TBX15: variants seen among roughly 807,000 people sequenced by gnomAD.
TBX15 encodes T-box transcription factor TBX15.
A neutral mutation model predicts 53.9 loss-of-function variants in TBX15; 18 were observed. That is an observed-to-expected ratio of 0.33 (90% CI 0.23 to 0.49). The LOEUF is 0.49. Among genes scored for constraint, TBX15 ranks in the 20% least tolerant of loss-of-function variants. TBX15 has a pLI of 0.98. For missense variants in TBX15, 692 were observed against 749.5 expected, an observed-to-expected ratio of 0.92 and a Z score of 0.90; for synonymous variants, 295 against 278.0, an observed-to-expected ratio of 1.06 and a Z score of -0.61.
chr1:118,959,291 G>A (rs1304085259), intron 1 of TBX15, among the ~76,000 whole-genome samples: 8 of 152,156 alleles, frequency 5.3e-5, no homozygotes, highest in African/African-American at 1.2e-4. Flanking sequence ...GCCTTCAGGC[G>A]AATAAGAATA....
chr1:118,924,749 T>C lies in TBX15; in HGVS notation c.590A>G (p.Tyr197Cys). ...AGAAGCTAGAGAATCAGGGTGTATA[T>C]AAACTCTTGGGGGCACAGGGGAATC... ...NADSPVPPRV[Y>C]IHPDSLASGD... The change falls in exon 4 of 8, where the codon TAT becomes TGT. Residue 197 changes from tyrosine to cysteine, a missense_variant. Transcript: ENST00000369429. 1 of 1,614,012 alleles carries C rather than the reference T, an allele frequency of 6.2e-7. No homozygotes were observed. The highest frequency in any genetic ancestry group is 8.5e-7 in the Non-Finnish European group (1 of 1,179,988).
chr1:118,986,272 G>A (rs1262374278), intron 1 of TBX15, among the ~76,000 whole-genome samples: 1 of 152,204 alleles, frequency 6.6e-6, no homozygotes, highest in Non-Finnish European at 1.5e-5. Flanking sequence ...GAATGCCCAC[G>A]CAGGGGTCCG....
chr1:118,959,703 A>G (rs1656802678), intron 1 of TBX15, among the ~76,000 whole-genome samples: 1 of 152,212 alleles, frequency 6.6e-6, no homozygotes, highest in African/African-American at 2.4e-5. Flanking sequence ...GAATGAACTC[A>G]GTTCAGTGAG....
chr1:118,888,198 A>G (rs1336808283), intron 7 of TBX15, among the ~76,000 whole-genome samples: 2 of 152,166 alleles, frequency 1.3e-5, no homozygotes, highest in Non-Finnish European at 2.9e-5. Flanking sequence ...TTCTAGGCCT[A>G]TTAACCTCTG....
intron 1 of TBX15, among the ~76,000 whole-genome samples, chr1:118,971,916 G>A (rs953120529): frequency 8.5e-5 from 13 of 152,186 alleles, no homozygotes; most frequent in African/African-American, 2.2e-4. Flanking sequence ...GTGTAAAGCC[G>A]GCAGTTATTC....
intron 6 of TBX15, among the ~76,000 whole-genome samples, chr1:118,908,522 A>T (rs1367811224): frequency 6.6e-6 from 1 of 152,188 alleles, no homozygotes; most frequent in Non-Finnish European, 1.5e-5. Flanking sequence ...ATAATAGGTG[A>T]ACACTGCCCC....
rs568761112 is a variant in TBX15 at position 118,974,817 on chromosome 1, G to T, written c.205+12774C>A. Among the ~76,000 whole-genome samples the T allele has an allele frequency of 2.2e-3, 335 of 152,256 alleles. 1 individual carries two copies. The highest frequency in any genetic ancestry group is 7.8e-3 in the African/African-American group (325 of 41,554). ...CCTAACAGCGGGTGTACTTGCCGTG[G>T]GTCCTCAAGGCAGTTTCCTAATCCT... On this transcript the variant is annotated intron_variant, in intron 1 of 7. Transcript: ENST00000369429.
chr1:118,910,622 G>A (rs961905956), intron 6 of TBX15, among the ~76,000 whole-genome samples: 1 of 152,168 alleles, frequency 6.6e-6, no homozygotes, highest in African/African-American at 2.4e-5. Flanking sequence ...GGTAGCCAGT[G>A]AGAATTAAAG....
In TBX15 at chr1:118,963,958, A is replaced by T. The variant is rs570924887; in HGVS notation, c.205+23633T>A. ...AACATAGAGAAGCCATATGGAGAAGAACGGTGGAGACCATCTGACAGCCAA... is the reference window on the plus strand; with the variant it reads ...AACATAGAGAAGCCATATGGAGAAGTACGGTGGAGACCATCTGACAGCCAA... On this transcript the variant is annotated intron_variant, in intron 1 of 7. Transcript: ENST00000369429. Among the ~76,000 whole-genome samples, 34 of 152,306 alleles carry T rather than the reference A, an allele frequency of 2.2e-4. No homozygotes were observed. The East Asian group carries it at 6.4e-3, about 29-fold the overall frequency.
chr1:118,971,338 T>A (rs1417067230), intron 1 of TBX15, among the ~76,000 whole-genome samples: 1 of 152,240 alleles, frequency 6.6e-6, no homozygotes, highest in Non-Finnish European at 1.5e-5. Flanking sequence ...AGGTCACACC[T>A]ACAGGTGACT....
At chr1:118,893,514 G>GAA (rs1398590617) in intron 7 of TBX15, among the ~76,000 whole-genome samples, 1 of 132,514 alleles carries the variant, frequency 7.5e-6, no homozygotes, top group East Asian at 2.3e-4. Context: ...AAGAAAGAAA[G>GAA]AAAGAAAGAA....
chr1:118,984,827 A>G (rs764124365), intron 1 of TBX15, among the ~76,000 whole-genome samples: 13 of 152,182 alleles, frequency 8.5e-5, no homozygotes, highest in Non-Finnish European at 1.6e-4. Context: ...GTGAGTGCCT[A>G]CAACGCGCAG....
intron 1 of TBX15, among the ~76,000 whole-genome samples, chr1:118,936,937 G>T (rs974300667): frequency 6.6e-6 from 1 of 152,112 alleles, no homozygotes; most frequent in Non-Finnish European, 1.5e-5. Flanking sequence ...AATAAAACAG[G>T]TTCTTGTTCT....
intron 7 of TBX15, among the ~76,000 whole-genome samples, chr1:118,893,481 GGAAGGAAA>G (rs1346046971): frequency 8.0e-4 from 67 of 83,940 alleles, no homozygotes; most frequent in Non-Finnish European, 1.0e-3. Context: ...AAGGAAGGAA[GGAAGGAAA>G]GAAAGAAAGA....
At chr1:118,935,105 A>C (rs1340246050) in intron 1 of TBX15, among the ~76,000 whole-genome samples, 1 of 152,204 alleles carries the variant, frequency 6.6e-6, no homozygotes, top group African/African-American at 2.4e-5. Flanking sequence ...CAACCCTACA[A>C]AACCCTTAAA....
Position 118,885,301 on chromosome 1 carries a change from G to A in TBX15, c.1240C>T (p.Pro414Ser). 1 of 1,614,114 alleles carries A rather than the reference G, an allele frequency of 6.2e-7. No homozygotes were observed. The highest frequency in any genetic ancestry group is 8.5e-7 in the Non-Finnish European group (1 of 1,180,016). The part of the protein sequence containing the change: ...RSNMAALQSY[P>S]GLSDSGYNRL... ...TTGTAGCCACTGTCACTCAGCCCTGGGTAGCTCTGCAAGGCAGCCATGTTG... is the reference window on the plus strand; with the variant it reads ...TTGTAGCCACTGTCACTCAGCCCTGAGTAGCTCTGCAAGGCAGCCATGTTG... The change falls in exon 8 of 8, where the codon CCA becomes TCA. Residue 414 changes from proline (P) to serine (S), a missense_variant. Around this residue, in one of 3 missense-constraint regions of TBX15, gnomAD observed 375 missense variants for 371.6 expected, o/e 1.01. Transcript: ENST00000369429.
At chr1:118,939,420 A>AAAAAAAAAAAAAC (rs1656078836) in intron 1 of TBX15, among the ~76,000 whole-genome samples, 1 of 125,224 alleles carries the variant, frequency 8.0e-6, no homozygotes, top group Non-Finnish European at 1.7e-5. Flanking sequence ...AAAAAAAAAA[A>AAAAAAAAAAAAAC]AAAAAAAAAA....
At chr1:118,902,356 C>T (rs534270929) in intron 6 of TBX15, among the ~76,000 whole-genome samples, 43 of 152,244 alleles carry the variant, frequency 2.8e-4, no homozygotes, top group African/African-American at 1.0e-3. Context: ...CTCTCTCCAC[C>T]ACTAGTATGG....
chr1:118,969,009 C>A (rs1657145905), intron 1 of TBX15, among the ~76,000 whole-genome samples: 1 of 152,182 alleles, frequency 6.6e-6, no homozygotes, highest in Non-Finnish European at 1.5e-5. Flanking sequence ...CAATACATCA[C>A]CTAGCATGGA....
Sources: gnomAD v4.1 joint callset for allele counts (sites outside exome capture counted in the v4.1 genomes callset) on GRCh38, gnomAD v4.1.1 for gene constraint, gnomAD v4.1.1 regional missense constraint, MANE v1.5 for transcripts, NCBI Gene and HGNC (gene_info 2026-07-23, HGNC 2026-07-21) for gene names.